Variants in C3orf20 observed in about 807,000 individuals in gnomAD.
C3orf20 encodes the protein uncharacterized protein C3orf20.
A neutral mutation model predicts 88.3 loss-of-function variants in C3orf20; 76 were observed. The observed-to-expected ratio is 0.86, with a 90% CI of 0.72 to 1.04. The LOEUF (loss-of-function observed/expected upper bound fraction) is 1.04, where lower values mean the gene tolerates loss of function less well. Ranked by LOEUF, C3orf20 falls within the 50% of genes least tolerant of loss-of-function variation. The pLI, the probability that C3orf20 is intolerant of heterozygous loss-of-function variation, is 0.00. For synonymous variants in C3orf20, 436 were observed against 437.4 expected (o/e 1.00, Z 0.04); for missense variants, 1,056 against 1,123.3 (o/e 0.94, Z 0.86).
Position 14,682,793 on chromosome 3 carries a change from A to G in C3orf20, c.80A>G (p.Lys27Arg), listed in dbSNP as rs368377013. ...MAPKLLARIS[K>R]LLMICQNAGI... ...CCCAAGCTACTGGCCCGCATCTCCA[A>G]ACTCCTCATGATCTGCCAGAATGCA... Residue 27 changes from lysine to arginine, a missense_variant, in exon 3 of 17, where the codon AAA becomes AGA. Physicochemically the swap from Lys to Arg is conservative, Grantham distance 26. Transcript: ENST00000253697. 1 of 1,614,130 alleles carries G rather than the reference A, an allele frequency of 6.2e-7. No homozygotes were observed. Among genetic ancestry groups the G allele is most frequent in the African/African-American group, 1.3e-5 (1 of 75,030 alleles).
chr3:14,764,663 G>T (rs552167171), intron 15 of C3orf20, among the ~76,000 whole-genome samples: 2 of 152,144 alleles, frequency 1.3e-5, no homozygotes, highest in African/African-American at 4.8e-5. Context: ...CAAGGTTTGC[G>T]CACTCCCATA....
In C3orf20 at chr3:14,728,527, C is replaced by T; in HGVS notation, c.1779C>T (p.Leu593=). The T allele has an allele frequency of 6.2e-7, 1 of 1,614,208 alleles. No individual in the cohort carries two copies. Among genetic ancestry groups the T allele is most frequent in the African/African-American group, 1.3e-5 (1 of 75,038 alleles). ...KMRSRTHPER[L]PKLSLYSGES... is the part of the protein sequence containing the mutation. The stretch of plus-strand genomic sequence containing the variant: ...GATCCAGAACTCATCCCGAGCGGCT[C>T]CCCAAGCTAAGTTTATACTCAGGAG... The change falls in exon 12 of 17, where the codon CTC becomes CTT. Residue 593 remains leucine, a synonymous_variant. Transcript: ENST00000253697.
intron 5 of C3orf20, among the ~76,000 whole-genome samples, chr3:14,691,027 A>C (rs1282090285): frequency 1.3e-5 from 2 of 152,238 alleles, no homozygotes; most frequent in African/African-American, 4.8e-5. Flanking sequence ...CTTGTATTTC[A>C]TCACTCACCA....
At chr3:14,742,952 C>T (rs777363771) in intron 12 of C3orf20, among the ~76,000 whole-genome samples, 1 of 152,042 alleles carries the variant, frequency 6.6e-6, no homozygotes, top group Non-Finnish European at 1.5e-5. Flanking sequence ...CGTGGGAATT[C>T]TGAGAGATAA....
intron 12 of C3orf20, among the ~76,000 whole-genome samples, chr3:14,744,485 TTGTC>T (rs1301331828): frequency 6.6e-6 from 1 of 151,984 alleles, no homozygotes; most frequent in African/African-American, 2.4e-5. Context: ...GTTCCAACCT[TTGTC>T]TGTTACCCAG....
chr3:14,733,745 A>G (rs1403811888), intron 12 of C3orf20, among the ~76,000 whole-genome samples: 1 of 151,810 alleles, frequency 6.6e-6, no homozygotes, highest in African/African-American at 2.4e-5. Flanking sequence ...CTGGAGTGCA[A>G]TGGAGCCATC....
chr3:14,692,792 A>G (rs2032797946), intron 5 of C3orf20, among the ~76,000 whole-genome samples: 2 of 152,168 alleles, frequency 1.3e-5, no homozygotes, highest in Admixed American at 1.3e-4. Flanking sequence ...GGTATTACTC[A>G]AGAAATCTTT....
chr3:14,722,067 T>C (rs1480939008), intron 10 of C3orf20: 8 of 359,466 alleles, frequency 2.2e-5, no homozygotes, highest in Admixed American at 8.4e-5. Flanking sequence ...AGTCTGTCAA[T>C]ATGCAGTTTC....
chr3:14,748,742 C>T (rs2035131963), intron 12 of C3orf20, among the ~76,000 whole-genome samples: 1 of 152,236 alleles, frequency 6.6e-6, no homozygotes, highest in Non-Finnish European at 1.5e-5. Context: ...TTAATTTTCA[C>T]ATATTTGTGA....
At chr3:14,722,709 A>G (rs1197771581) in intron 10 of C3orf20, 5 of 399,930 alleles carry the variant, frequency 1.3e-5, no homozygotes, top group African/African-American at 6.2e-5. Context: ...AGGGCCCAGC[A>G]TGAGGACTAC....
At chr3:14,750,862 A>G (rs1331802023) in intron 12 of C3orf20, among the ~76,000 whole-genome samples, 1 of 152,202 alleles carries the variant, frequency 6.6e-6, no homozygotes, top group African/African-American at 2.4e-5. Context: ...GGAGAGTTTT[A>G]GGCAATTATT....
At chr3:14,722,001 C>A (rs2034181600) in intron 10 of C3orf20, 4 of 555,116 alleles carry the variant, frequency 7.2e-6, no homozygotes, top group Admixed American at 6.6e-5. Context: ...GTGACAGAAT[C>A]CAGTGTGGAC....
chr3:14,758,310 G>A (rs1316515370), intron 13 of C3orf20, among the ~76,000 whole-genome samples: 2 of 152,216 alleles, frequency 1.3e-5, no homozygotes, highest in Non-Finnish European at 2.9e-5. Context: ...AGTGGCCTGT[G>A]CGAAGGGGGA....
intron 12 of C3orf20, among the ~76,000 whole-genome samples, chr3:14,740,023 G>A (rs901970117): frequency 6.6e-6 from 1 of 152,148 alleles, no homozygotes; most frequent in Non-Finnish European, 1.5e-5. Flanking sequence ...CTGTTTTGCT[G>A]TCTTATTTGT....
Position 14,704,459 on chromosome 3 carries a change from G to A in C3orf20, c.1001G>A (p.Gly334Asp). The A allele has an allele frequency of 6.2e-7, 1 of 1,614,104 alleles. No individual in the cohort carries two copies. Among genetic ancestry groups the A allele is most frequent in the Non-Finnish European group, 8.5e-7 (1 of 1,180,012 alleles). The change falls in exon 7 of 17, where the codon GGT (glycine) becomes GAT (aspartate). Residue 334 changes from glycine (G) to aspartate (D), a missense_variant. Transcript: ENST00000253697. ...CGCAAAGGAGACTCTCAGACCCCGG[G>A]TTTACATTACCCTCCCACTGCAGGT... Reference protein sequence around the residue: ...LARKGDSQTPGLHYPPTAGAQ... With the variant: ...LARKGDSQTPDLHYPPTAGAQ...
chr3:14,737,064 GTGT>G (rs2034735443), intron 12 of C3orf20, among the ~76,000 whole-genome samples: 1 of 151,932 alleles, frequency 6.6e-6, no homozygotes, highest in African/African-American at 2.4e-5. Context: ...CCTTTAGTTA[GTGT>G]TGTTTCTTTA....
intron 7 of C3orf20, among the ~76,000 whole-genome samples, chr3:14,705,502 G>A (rs2033462430): frequency 6.6e-6 from 1 of 152,246 alleles, no homozygotes; most frequent in African/African-American, 2.4e-5. Flanking sequence ...ACTTCAGAGG[G>A]AGCAACTGTA....
At chr3:14,766,239 G>A (rs116450707) in intron 15 of C3orf20, among the ~76,000 whole-genome samples, 1,795 of 152,270 alleles carry the variant, frequency 0.012, 32 homozygotes, top group African/African-American at 0.041. Context: ...AGCCCTGTGC[G>A]GGGCGCTGGG....
At chr3:14,676,789 A>G (rs1482996085) in intron 1 of C3orf20, among the ~76,000 whole-genome samples, 1 of 152,158 alleles carries the variant, frequency 6.6e-6, no homozygotes, top group Non-Finnish European at 1.5e-5. Context: ...CCACTCTAGG[A>G]TGGCTACCAT....
Sources: gnomAD v4.1 joint callset for allele counts (sites outside exome capture counted in the v4.1 genomes callset) on GRCh38, gnomAD v4.1.1 for gene constraint, MANE v1.5 for transcripts, NCBI Gene and HGNC (gene_info 2026-07-23, HGNC 2026-07-21) for gene names.